CIRSR: variants seen among roughly 807,000 people sequenced by gnomAD.
CIRSR encodes corepressor of RBPJ and splicing regulator.
chr2:174,350,725 A>T, the CIRSR span: 8 of 1,609,348 alleles, frequency 5.0e-6, no homozygotes, highest in Non-Finnish European at 5.9e-6. Flanking sequence ...GATCTTCTTC[A>T]CCCTCACTTG....
At chr2:174,359,742 T>G in the CIRSR span, among the ~76,000 whole-genome samples, 1 of 152,178 alleles carries the variant, frequency 6.6e-6, no homozygotes, top group Admixed American at 6.5e-5. Flanking sequence ...ATCATGCTAC[T>G]ATAAAGACAC....
chr2:174,371,048 T>C, the CIRSR span, among the ~76,000 whole-genome samples: 22 of 152,356 alleles, frequency 1.4e-4, 1 homozygote, highest in Non-Finnish European at 2.4e-4. Context: ...TTCACTCATA[T>C]TATATGATTC....
chr2:174,391,357 A>C, the CIRSR span, among the ~76,000 whole-genome samples: 2 of 152,210 alleles, frequency 1.3e-5, no homozygotes, highest in East Asian at 1.9e-4. Flanking sequence ...GGTTGGGCTG[A>C]GGTGGGCAGA....
chr2:174,374,118 G>A, the CIRSR span, among the ~76,000 whole-genome samples: 1 of 152,186 alleles, frequency 6.6e-6, no homozygotes, highest in South Asian at 2.1e-4. Context: ...TACAGCATCA[G>A]TGGCCAAGCC....
chr2:174,376,062 C>T, the CIRSR span, among the ~76,000 whole-genome samples: 2 of 152,012 alleles, frequency 1.3e-5, no homozygotes, highest in African/African-American at 4.8e-5. Flanking sequence ...GGTTTCATCA[C>T]GTTGCCCAGG....
chr2:174,393,325 C>T, the CIRSR span, among the ~76,000 whole-genome samples: 5 of 152,152 alleles, frequency 3.3e-5, no homozygotes, highest in East Asian at 1.9e-4. Flanking sequence ...ATTGAGGCAG[C>T]GCATAACAAT....
chr2:174,373,860 T>TTCC, the CIRSR span, among the ~76,000 whole-genome samples: 1 of 149,308 alleles, frequency 6.7e-6, no homozygotes, highest in African/African-American at 2.5e-5. Flanking sequence ...TGCCTGTTTC[T>TTCC]CACAAGCAAA....
At chr2:174,380,262 A>T in the CIRSR span, 2 of 1,576,112 alleles carry the variant, frequency 1.3e-6, no homozygotes, top group South Asian at 2.4e-5. Context: ...TATTAAATAG[A>T]GGAAATGTAC....
the CIRSR span, among the ~76,000 whole-genome samples, chr2:174,381,212 T>C: frequency 6.6e-6 from 1 of 152,222 alleles, no homozygotes; most frequent in South Asian, 2.1e-4. Flanking sequence ...ATTAGAAAGA[T>C]ATTTTTTAGT....
the CIRSR span, among the ~76,000 whole-genome samples, chr2:174,352,733 A>C: frequency 2.6e-5 from 4 of 152,282 alleles, no homozygotes; most frequent in African/African-American, 9.6e-5. Context: ...CATGGCAGCT[A>C]TTTAAAGTTG....
chr2:174,384,339 T>A, the CIRSR span, among the ~76,000 whole-genome samples: 1 of 152,250 alleles, frequency 6.6e-6, no homozygotes, highest in Admixed American at 6.5e-5. Context: ...ACACAGAAAG[T>A]AGAATGGTGG....
chr2:174,381,026 C>T, the CIRSR span, among the ~76,000 whole-genome samples: 1 of 152,042 alleles, frequency 6.6e-6, no homozygotes, highest in Non-Finnish European at 1.5e-5. Context: ...TGTTAATTCA[C>T]AGTTTTTAAA....
chr2:174,363,811 G>T, the CIRSR span, among the ~76,000 whole-genome samples: 1,402 of 152,272 alleles, frequency 9.2e-3, 27 homozygotes, highest in African/African-American at 0.031. Context: ...TTGATCCCAT[G>T]ATTCAATTAC....
the CIRSR span, chr2:174,380,933 AT>A: frequency 2.5e-6 from 2 of 809,112 alleles, no homozygotes; most frequent in Non-Finnish European, 3.7e-6. Context: ...GTAAGAATTC[AT>A]TGGTTTGACT....
the CIRSR span, among the ~76,000 whole-genome samples, chr2:174,377,356 C>T: frequency 6.6e-6 from 1 of 152,080 alleles, no homozygotes; most frequent in Non-Finnish European, 1.5e-5. Context: ...TAGCTGGGGG[C>T]AAGGGAGGAG....
the CIRSR span, among the ~76,000 whole-genome samples, chr2:174,365,877 C>T: frequency 5.9e-5 from 9 of 152,078 alleles, no homozygotes; most frequent in Non-Finnish European, 1.2e-4. Context: ...GAAAAGCAAG[C>T]ATCAGAACCA....
At chr2:174,385,489 G>T in the CIRSR span, among the ~76,000 whole-genome samples, 13 of 152,250 alleles carry the variant, frequency 8.5e-5, no homozygotes, top group African/African-American at 2.6e-4. Context: ...AACACACTTA[G>T]TGCTCAGATC....
chr2:174,349,634 A>AT, the CIRSR span, among the ~76,000 whole-genome samples: 15 of 151,138 alleles, frequency 9.9e-5, no homozygotes, highest in Non-Finnish European at 4.4e-5. Context: ...ATGACAACTC[A>AT]TTTTCTTCCT....
chr2:174,388,709 A>G, the CIRSR span, among the ~76,000 whole-genome samples: 3 of 152,200 alleles, frequency 2.0e-5, no homozygotes, highest in Non-Finnish European at 4.4e-5. Flanking sequence ...ACACGCACAC[A>G]AAATATATAT....
Sources: allele counts gnomAD v4.1 joint callset (sites outside exome capture counted in the v4.1 genomes callset), GRCh38; gene constraint gnomAD v4.1.1; transcripts MANE v1.5; gene names NCBI Gene and HGNC (gene_info 2026-07-23, HGNC 2026-07-21).